C1orf21: variants seen among roughly 807,000 people sequenced by gnomAD.
C1orf21 encodes chromosome 1 open reading frame 21.
In C1orf21, 3 loss-of-function variants were observed where a neutral mutation model predicts 18.7. The ratio of observed to expected loss-of-function variants is 0.16; its 90% CI spans 0.07 to 0.42. The LOEUF is 0.42. Among genes scored for constraint, C1orf21 ranks in the 10% least tolerant of loss-of-function variants. The pLI is 0.99. For missense variants in C1orf21, 104 were observed against 143.6 expected, an observed-to-expected ratio of 0.72 and a Z score of 1.41; for synonymous variants, 41 against 46.4, an observed-to-expected ratio of 0.88 and a Z score of 0.47.
chr1:184,487,045 G>A (rs1657742714), intron 2 of C1orf21, among the ~76,000 whole-genome samples: 1 of 152,264 alleles, frequency 6.6e-6, no homozygotes, highest in African/African-American at 2.4e-5. Flanking sequence ...GCTTGGGGAT[G>A]AGGGAAGTTC....
intron 1 of C1orf21, among the ~76,000 whole-genome samples, chr1:184,460,702 T>C (rs1657295016): frequency 6.9e-6 from 1 of 145,558 alleles, no homozygotes; most frequent in African/African-American, 2.6e-5. Flanking sequence ...CTTTCTTTTT[T>C]TCTCTTCTTC....
intron 2 of C1orf21, 76 bp downstream of exon 2, chr1:184,477,679 G>A: frequency 8.4e-7 from 1 of 1,187,028 alleles, no homozygotes; most frequent in Non-Finnish European, 1.2e-6. Flanking sequence ...CATAATATTT[G>A]TACATATTTA....
At chr1:184,558,277 A>C (rs957173703) in intron 3 of C1orf21, among the ~76,000 whole-genome samples, 1 of 152,212 alleles carries the variant, frequency 6.6e-6, no homozygotes, top group African/African-American at 2.4e-5. Flanking sequence ...TATGTCACAG[A>C]ATATAAAATC....
intron 2 of C1orf21, 38 bp from the exon 3 acceptor site, chr1:184,507,550 A>G (rs1557989634): frequency 6.5e-7 from 1 of 1,543,392 alleles, no homozygotes; most frequent in Non-Finnish European, 8.8e-7. Context: ...CTATTGGGAA[A>G]AAAATTATAA....
At chr1:184,492,373 A>G (rs925107455) in intron 2 of C1orf21, among the ~76,000 whole-genome samples, 15 of 152,116 alleles carry the variant, frequency 9.9e-5, no homozygotes, top group African/African-American at 3.6e-4. Context: ...TGCTCCCCAC[A>G]CTATGGACAA....
At chr1:184,410,876 T>C (rs1052873672) in intron 1 of C1orf21, among the ~76,000 whole-genome samples, 1 of 149,654 alleles carries the variant, frequency 6.7e-6, no homozygotes. Context: ...GGTCTCGCTC[T>C]CCTGACGTCA....
intron 1 of C1orf21, among the ~76,000 whole-genome samples, chr1:184,392,409 A>G (rs1281050303): frequency 6.6e-6 from 1 of 152,146 alleles, no homozygotes; most frequent in African/African-American, 2.4e-5. Context: ...GGACGTTTAG[A>G]GTGGAATAAT....
At chr1:184,485,783 T>C (rs1657723894) in intron 2 of C1orf21, among the ~76,000 whole-genome samples, 1 of 152,212 alleles carries the variant, frequency 6.6e-6, no homozygotes, top group Non-Finnish European at 1.5e-5. Flanking sequence ...GCCTCTACTG[T>C]AGCTGTTTTG....
At chr1:184,612,408 T>C (rs1430001580) in intron 5 of C1orf21, among the ~76,000 whole-genome samples, 2 of 152,228 alleles carry the variant, frequency 1.3e-5, no homozygotes, top group Admixed American at 1.3e-4. Context: ...AACTTTATGA[T>C]GAAAGCAAAA....
At chr1:184,450,572 G>A (rs75581037) in intron 1 of C1orf21, among the ~76,000 whole-genome samples, 5,445 of 152,204 alleles carry the variant, frequency 0.036, 298 homozygotes, top group African/African-American at 0.12. Context: ...TCACAAAAGC[G>A]TACACAACAC....
chr1:184,571,930 C>A (rs191735376), intron 3 of C1orf21, among the ~76,000 whole-genome samples: 2 of 152,114 alleles, frequency 1.3e-5, no homozygotes, highest in Non-Finnish European at 2.9e-5. Flanking sequence ...TGTGGGAATG[C>A]TTACCTCATA....
At chr1:184,575,295 AT>A (rs1186782899) in intron 3 of C1orf21, among the ~76,000 whole-genome samples, 1 of 152,206 alleles carries the variant, frequency 6.6e-6, no homozygotes, top group Non-Finnish European at 1.5e-5. Context: ...GACTGTTCAG[AT>A]TGTGTATAGA....
intron 1 of C1orf21, among the ~76,000 whole-genome samples, chr1:184,395,712 G>T (rs929375533): frequency 1.3e-5 from 2 of 152,110 alleles, no homozygotes; most frequent in Non-Finnish European, 2.9e-5. Flanking sequence ...TTTCCCTGGG[G>T]CAGTCCTGGC....
intron 3 of C1orf21, among the ~76,000 whole-genome samples, chr1:184,573,279 T>C (rs1270524823): frequency 1.3e-5 from 2 of 152,176 alleles, no homozygotes; most frequent in African/African-American, 4.8e-5. Context: ...TATATCGACT[T>C]TGGAAACAAA....
intron 1 of C1orf21, among the ~76,000 whole-genome samples, chr1:184,450,032 G>T (rs1334776813): frequency 6.6e-6 from 1 of 152,132 alleles, no homozygotes; most frequent in East Asian, 1.9e-4. Flanking sequence ...GTATTTTTAT[G>T]GTAAGATTGG....
At chr1:184,602,161 GAGGTTC>G (rs1659593230) in intron 5 of C1orf21, among the ~76,000 whole-genome samples, 2 of 152,152 alleles carry the variant, frequency 1.3e-5, no homozygotes, top group Non-Finnish European at 2.9e-5. Flanking sequence ...CACTGAGAGT[GAGGTTC>G]TCCTCCGTGG....
intron 5 of C1orf21, among the ~76,000 whole-genome samples, chr1:184,607,508 A>T (rs1315286872): frequency 6.6e-6 from 1 of 152,166 alleles, no homozygotes; most frequent in Non-Finnish European, 1.5e-5. Context: ...AAGAAAACTA[A>T]GTATCCACCC....
chr1:184,526,223 A>G (rs1658374440), intron 3 of C1orf21, among the ~76,000 whole-genome samples: 1 of 152,152 alleles, frequency 6.6e-6, no homozygotes, highest in Non-Finnish European at 1.5e-5. Context: ...CAGGATTTTA[A>G]ACATTAGTGA....
chr1:184,447,482 A>G (rs921929486), intron 1 of C1orf21, among the ~76,000 whole-genome samples: 4 of 152,078 alleles, frequency 2.6e-5, no homozygotes, highest in Non-Finnish European at 4.4e-5. Flanking sequence ...CTTCAGCCCT[A>G]TTCATTCGTC....
Sources: gnomAD v4.1 joint callset for allele counts (sites outside exome capture counted in the v4.1 genomes callset) on GRCh38, gnomAD v4.1.1 for gene constraint, MANE v1.5 for transcripts, NCBI Gene and HGNC (gene_info 2026-07-23, HGNC 2026-07-21) for gene names.